The following KDM7A variants were observed in gnomAD, a reference collection of about 807,000 sequenced individuals.
The protein encoded by KDM7A is lysine demethylase 7A, also known as lysine-specific demethylase 7A.
In KDM7A, 28 loss-of-function variants were observed where a neutral mutation model predicts 114.8. The observed-to-expected ratio is 0.24, with a 90% CI of 0.18 to 0.33. KDM7A has a LOEUF of 0.33. KDM7A is among the 10% of genes least tolerant of loss of function. The pLI is 1.00. For synonymous variants in KDM7A, 423 were observed against 397.8 expected (o/e 1.06, Z -0.75); for missense variants, 942 against 1,142.5 (o/e 0.82, Z 2.53).
intron 17 of KDM7A, among the ~76,000 whole-genome samples, chr7:140,096,015 T>C (rs889042366): frequency 2.0e-5 from 3 of 152,146 alleles, no homozygotes; most frequent in Non-Finnish European, 4.4e-5. Context: ...TACTATCTTC[T>C]CCCCGGTCCT....
chr7:140,148,430 T>A (rs1794363584), intron 1 of KDM7A, among the ~76,000 whole-genome samples: 1 of 152,006 alleles, frequency 6.6e-6, no homozygotes, highest in South Asian at 2.1e-4. Flanking sequence ...TCTGTAAAGA[T>A]GGGAAATAGT....
chr7:140,163,607 T>C (rs988601948), intron 1 of KDM7A, among the ~76,000 whole-genome samples: 1 of 152,138 alleles, frequency 6.6e-6, no homozygotes, highest in Non-Finnish European at 1.5e-5. Context: ...TTTTGTTTTG[T>C]TCTATTTTTC....
rs376955896 is a variant in KDM7A at position 140,087,377 on chromosome 7, C to T, written c.*3717G>A. The T allele has an allele frequency of 1.4e-4, 22 of 152,134 alleles. No individual in the cohort carries two copies. Among genetic ancestry groups the T allele is most frequent in the African/African-American group, 5.3e-4 (22 of 41,416 alleles). The allele number at this position is 152,134 out of a possible 1,614,324, so 9.4% of individuals were successfully genotyped here. ...TCCATAAACAACTTCATTTTTCTTC[C>T]ACTTCAAGCACGAAATCTGATTTTA... On this transcript the variant is annotated 3_prime_UTR_variant, in exon 20 of 20. Transcript: ENST00000397560.
At chr7:140,131,753 TTTTA>T (rs1818790064) in intron 3 of KDM7A, among the ~76,000 whole-genome samples, 1 of 152,232 alleles carries the variant, frequency 6.6e-6, no homozygotes. Context: ...ATGTTTGGTG[TTTTA>T]TTTCCCCTTT....
At chr7:140,136,551 T>C (rs1221628163) in intron 2 of KDM7A, among the ~76,000 whole-genome samples, 1 of 152,224 alleles carries the variant, frequency 6.6e-6, no homozygotes, top group Non-Finnish European at 1.5e-5. Flanking sequence ...TTAAGTTATT[T>C]GTGGGCTGTT....
At chr7:140,095,521 C>T (rs1273945162) in intron 17 of KDM7A, 1 of 171,824 alleles carries the variant, frequency 5.8e-6, no homozygotes, top group Non-Finnish European at 1.3e-5. Context: ...ATTAGTTTTA[C>T]TAAGTCTTAT....
chr7:140,162,258 C>A (rs1193608330), intron 1 of KDM7A, among the ~76,000 whole-genome samples: 1 of 151,818 alleles, frequency 6.6e-6, no homozygotes, highest in Non-Finnish European at 1.5e-5. Flanking sequence ...TCGCTTAAAC[C>A]CAGGAGGCGG....
intron 13 of KDM7A, among the ~76,000 whole-genome samples, chr7:140,099,568 G>A (rs574901146): frequency 4.8e-4 from 73 of 152,290 alleles, no homozygotes; most frequent in African/African-American, 1.7e-3. Flanking sequence ...TAGGAACCAG[G>A]CCACACAGCA....
At chr7:140,097,955 A>G (rs1198244144) in intron 14 of KDM7A, among the ~76,000 whole-genome samples, 2 of 152,216 alleles carry the variant, frequency 1.3e-5, no homozygotes, top group Admixed American at 6.5e-5. Context: ...AAAATTAGCT[A>G]TCAGATGCTT....
chr7:140,097,634 TA>T lies in KDM7A; in HGVS notation c.1926del (p.Phe642LeufsTer4). On this transcript the variant is annotated frameshift_variant, in exon 15 of 20. Transcript: ENST00000397560. ...CTCCTGAGTTCTGATTTCACACGTGTAAAAAACCCTGAAAAAGAATGAAAGG... is the reference window on the plus strand; with the variant it reads ...CTCCTGAGTTCTGATTTCACACGTGTAAAAACCCTGAAAAAGAATGAAAGG... ...EESQKPLNGF[F>X]TRVKSELRSR... The T allele has an allele frequency of 6.4e-7, 1 of 1,559,532 alleles. No homozygotes were observed. The highest frequency in any genetic ancestry group is 8.8e-7 in the Non-Finnish European group (1 of 1,131,822).
rs1407233463 is a variant in KDM7A at position 140,100,728 on chromosome 7, A to G, written c.1639-705T>C. On this transcript the variant is annotated intron_variant, in intron 12 of 19. Transcript: ENST00000397560. Reference sequence around the variant, plus strand: ...TATATACACATATATATATATATATATATATATATATATACATATATATTT... The same window carrying G: ...TATATACACATATATATATATATATGTATATATATATATACATATATATTT... 5.9e-4 allele frequency among the ~76,000 whole-genome samples: 25 copies of G among 42,666 alleles called. 1 individual carries two copies. The highest frequency in any genetic ancestry group is 1.0e-3 in the Non-Finnish European group (21 of 20,816). 28.0% of individuals were successfully genotyped at this position (42,666 alleles called of 152,430 possible). A position where few individuals can be genotyped will look rare whatever the true frequency, so the allele number is the denominator to read the frequency against.
chr7:140,154,900 A>G (rs901092069), intron 1 of KDM7A, among the ~76,000 whole-genome samples: 20 of 152,222 alleles, frequency 1.3e-4, no homozygotes, highest in African/African-American at 4.3e-4. Flanking sequence ...ATTTAAATTT[A>G]CAAAATTAAA....
At chr7:140,117,218 T>A (rs1818544822) in intron 9 of KDM7A, among the ~76,000 whole-genome samples, 1 of 152,206 alleles carries the variant, frequency 6.6e-6, no homozygotes, top group South Asian at 2.1e-4. Flanking sequence ...TTTCTAATAA[T>A]CCTTTTTAAA....
chr7:140,102,326 T>C (rs1410546829), intron 11 of KDM7A, among the ~76,000 whole-genome samples, 166 bp from the exon 12 acceptor site: 1 of 152,094 alleles, frequency 6.6e-6, no homozygotes, highest in Non-Finnish European at 1.5e-5. Context: ...CTGAGAACTT[T>C]ATATCCCTTC....
chr7:140,141,775 TC>T (rs1262749855), intron 1 of KDM7A, among the ~76,000 whole-genome samples: 1 of 151,450 alleles, frequency 6.6e-6, no homozygotes, highest in African/African-American at 2.4e-5. Flanking sequence ...ATATCTGTAA[TC>T]CCAGCTACTT....
intron 9 of KDM7A, among the ~76,000 whole-genome samples, chr7:140,116,255 AGT>A (rs10675737): frequency 2.8e-3 from 421 of 151,200 alleles, no homozygotes; most frequent in African/African-American, 7.8e-3. Flanking sequence ...TTGCAGAATC[AGT>A]GTGTGTGTGT....
rs764171858 is a variant in KDM7A, at chr7:140,098,962, C to T, written c.1835G>A (p.Arg612Lys). 4 of 1,613,000 alleles carry T rather than the reference C, an allele frequency of 2.5e-6. No homozygotes were observed. Among genetic ancestry groups the T allele is most frequent in the Non-Finnish European group, 2.5e-6 (3 of 1,179,428 alleles). ...ADSENEEDKR[R>K]TKKAKMKIEE... ...TATCTTCATTTTTGCCTTTTTTGTC[C>T]TTCTTTTATCCTCTTCATTTTCACT... The change falls in exon 14 of 20, where the codon AGG becomes AAG. Residue 612 changes from arginine (R) to lysine (K), a missense_variant. Arg to Lys is a conservative substitution (Grantham distance 26, BLOSUM62 2). Transcript: ENST00000397560.
At chr7:140,113,335 T>C (rs1041787001) in intron 10 of KDM7A, among the ~76,000 whole-genome samples, 156 bp downstream of exon 10, 3 of 152,250 alleles carry the variant, frequency 2.0e-5, no homozygotes, top group African/African-American at 4.8e-5. Flanking sequence ...AGTACATTTG[T>C]ATATACTGAA....
chr7:140,170,738 G>A lies in KDM7A; in HGVS notation c.194+6006C>T, dbSNP rs112148493. ...TCGATATTTATCTCTCTTTCCCTTC[G>A]AGAATGTAAGTCACAAGACAGCAAG... On this transcript the variant is annotated intron_variant, in intron 1 of 19. Transcript: ENST00000397560. Among the ~76,000 whole-genome samples, 78 of 152,214 alleles carry A rather than the reference G, an allele frequency of 5.1e-4. 1 individual carries two copies. Among genetic ancestry groups the A allele is most frequent in the African/African-American group, 1.8e-3 (74 of 41,548 alleles).
Sources: allele counts gnomAD v4.1 joint callset (sites outside exome capture counted in the v4.1 genomes callset), GRCh38; gene constraint gnomAD v4.1.1; transcripts MANE v1.5; gene names NCBI Gene and HGNC (gene_info 2026-07-23, HGNC 2026-07-21).